ZRANB3: variants seen among roughly 807,000 people sequenced by gnomAD.
ZRANB3 encodes the protein zinc finger RANBP2-type containing 3, also known as DNA annealing helicase and endonuclease ZRANB3.
ZRANB3 carries 125 observed loss-of-function variants against 133.8 expected under a neutral mutation model. The observed-to-expected ratio is 0.93, with a 90% CI of 0.81 to 1.08. ZRANB3 has a LOEUF of 1.08. Among genes scored for constraint, ZRANB3 ranks in the 50% least tolerant of loss-of-function variants. ZRANB3 has a pLI of 0.00. For missense variants in ZRANB3, 1,229 were observed against 1,275.5 expected (o/e 0.96, Z 0.56); for synonymous variants, 387 against 432.7 (o/e 0.89, Z 1.31).
At chr2:135,415,858 A>G (rs970113369) in intron 2 of ZRANB3, among the ~76,000 whole-genome samples, 1 of 152,194 alleles carries the variant, frequency 6.6e-6, no homozygotes, top group Non-Finnish European at 1.5e-5. Flanking sequence ...GACAAAAACC[A>G]CATGATTATC....
intron 2 of ZRANB3, among the ~76,000 whole-genome samples, chr2:135,456,164 C>T (rs1269249969): frequency 6.6e-6 from 1 of 152,142 alleles, no homozygotes; most frequent in Non-Finnish European, 1.5e-5. Flanking sequence ...GACTCCAAAA[C>T]ATGTAAGAAT....
At chr2:135,252,611 A>G (rs1381616337) in intron 12 of ZRANB3, among the ~76,000 whole-genome samples, 1 of 152,212 alleles carries the variant, frequency 6.6e-6, no homozygotes, top group Non-Finnish European at 1.5e-5. Context: ...ACTCTTGGAC[A>G]ACAGCTGAGG....
At chr2:135,324,970 T>C (rs966605726) in intron 6 of ZRANB3, among the ~76,000 whole-genome samples, 1 of 152,178 alleles carries the variant, frequency 6.6e-6, no homozygotes, top group Admixed American at 6.5e-5. Flanking sequence ...ACTTATACCC[T>C]GAAAGCTACA....
intron 20 of ZRANB3, 81 bp downstream of exon 20, chr2:135,202,751 C>T (rs1302848993): frequency 2.0e-6 from 3 of 1,468,192 alleles, no homozygotes; most frequent in Non-Finnish European, 2.7e-6. Context: ...AATTCATCCA[C>T]ATAATCTTCC....
At chr2:135,259,962 A>G (rs1482964884) in intron 12 of ZRANB3, among the ~76,000 whole-genome samples, 1 of 152,164 alleles carries the variant, frequency 6.6e-6, no homozygotes, top group East Asian at 1.9e-4. Flanking sequence ...AAAAGGCCCT[A>G]AAGAGGTTAA....
rs935615 is a variant in ZRANB3, at chr2:135,230,846, C to A, written c.1621G>T (p.Glu541Ter). 2 of 1,611,794 alleles carry A rather than the reference C, an allele frequency of 1.2e-6. No homozygotes were observed. Among genetic ancestry groups the A allele is most frequent in the Non-Finnish European group, 1.7e-6 (2 of 1,179,216 alleles). Residue 541 changes from glutamate (E) to a stop codon, truncating the protein, a stop_gained, in exon 13 of 21, where the codon GAA (glutamate) becomes TAA (stop). Coordinates refer to ENST00000264159, the MANE Select transcript of ZRANB3 (RefSeq NM_032143.4). LOFTEE classifies it high-confidence loss of function. ...KKRQLMTSCD[E>*]SKRFREENTV... is the part of the protein sequence containing the mutation. ...TTTTCCTCCCGGAATCTCTTTGATT[C>A]GTCACAGGAGGTCATCAACTGTCTT...
intron 11 of ZRANB3, among the ~76,000 whole-genome samples, 174 bp downstream of exon 11, chr2:135,268,788 A>G (rs1413704862): frequency 2.0e-5 from 3 of 152,118 alleles, no homozygotes; most frequent in East Asian, 3.9e-4. Context: ...TACAGAGGAG[A>G]GCAGACAAGG....
At chr2:135,438,593 A>G (rs1689648724) in intron 2 of ZRANB3, among the ~76,000 whole-genome samples, 1 of 152,128 alleles carries the variant, frequency 6.6e-6, no homozygotes, top group Non-Finnish European at 1.5e-5. Context: ...AGCTTATAGT[A>G]AAGGGCAACT....
chr2:135,274,465 G>A (rs1031872922), intron 9 of ZRANB3, among the ~76,000 whole-genome samples: 3 of 152,080 alleles, frequency 2.0e-5, no homozygotes, highest in Non-Finnish European at 4.4e-5. Context: ...CACATTCAAA[G>A]GCCACTGTGT....
intron 3 of ZRANB3, among the ~76,000 whole-genome samples, chr2:135,364,452 A>G (rs901872646): frequency 6.6e-6 from 1 of 152,188 alleles, no homozygotes; most frequent in African/African-American, 2.4e-5. Flanking sequence ...AAATTTATCT[A>G]AAACAGAATT....
At chr2:135,294,148 T>G (rs1295741637) in intron 8 of ZRANB3, among the ~76,000 whole-genome samples, 5 of 152,224 alleles carry the variant, frequency 3.3e-5, no homozygotes, top group Non-Finnish European at 7.3e-5. Context: ...TTCTATTGAT[T>G]GGAATAGTTT....
Position 135,442,730 on chromosome 2 carries a change from T to C in ZRANB3, c.162-51910A>G, listed in dbSNP as rs113465392. On this transcript the variant is annotated intron_variant, in intron 2 of 20. Coordinates refer to ENST00000264159, the MANE Select transcript of ZRANB3 (RefSeq NM_032143.4). ...CAAAGGATTATAAATACTACTACTA[T>C]AAAGACACACGCAAACGTATGTTTA... Among the ~76,000 whole-genome samples the C allele has an allele frequency of 1.3e-3, 203 of 152,268 alleles. 3 individuals are homozygous for C. The highest frequency in any genetic ancestry group is 4.8e-3 in the African/African-American group (198 of 41,540).
chr2:135,406,750 G>A (rs1169245758), intron 2 of ZRANB3, among the ~76,000 whole-genome samples: 2 of 152,068 alleles, frequency 1.3e-5, no homozygotes, highest in African/African-American at 4.8e-5. Context: ...ATGCAGAAAA[G>A]GCCTTTGACA....
chr2:135,429,474 C>A (rs1689228296), intron 2 of ZRANB3, among the ~76,000 whole-genome samples: 1 of 152,080 alleles, frequency 6.6e-6, no homozygotes, highest in African/African-American at 2.4e-5. Flanking sequence ...CCATGGCACA[C>A]AATTTACCAG....
In ZRANB3 at chr2:135,207,340, T is replaced by C. The variant is rs1000369247; in HGVS notation, c.3009+94A>G. On this transcript the variant is annotated intron_variant, in intron 19 of 20. Coordinates refer to ENST00000264159, the MANE Select transcript of ZRANB3 (RefSeq NM_032143.4). ...ATTATTTTCTTTCCTTTTATATATCTGAATATTCCCATGTTAAAATGTACA... is the reference window on the plus strand; with the variant it reads ...ATTATTTTCTTTCCTTTTATATATCCGAATATTCCCATGTTAAAATGTACA... The C allele has an allele frequency of 5.6e-6, 8 of 1,416,808 alleles. No individual in the cohort carries two copies. The South Asian group carries it at 1.3e-4, about 23-fold the overall frequency. 87.8% of individuals were successfully genotyped at this position (1,416,808 alleles called of 1,614,324 possible).
intron 2 of ZRANB3, among the ~76,000 whole-genome samples, chr2:135,451,533 G>C (rs146885167): frequency 0.01 from 1,566 of 151,878 alleles, 25 homozygotes; most frequent in African/African-American, 0.036. Flanking sequence ...CTGCACTCCA[G>C]CCTGGGCAAC....
intron 1 of ZRANB3, among the ~76,000 whole-genome samples, chr2:135,505,807 T>C (rs1693153477): frequency 6.6e-6 from 1 of 152,050 alleles, no homozygotes; most frequent in Non-Finnish European, 1.5e-5. Context: ...AATTAGCAAA[T>C]AAATAAATAT....
At chr2:135,295,232 A>T (rs1395038101) in intron 8 of ZRANB3, among the ~76,000 whole-genome samples, 1 of 152,104 alleles carries the variant, frequency 6.6e-6, no homozygotes, top group Non-Finnish European at 1.5e-5. Flanking sequence ...GTAGGTCACT[A>T]AGGACTTGCT....
intron 3 of ZRANB3, among the ~76,000 whole-genome samples, chr2:135,374,533 C>A (rs1573995482): frequency 6.8e-6 from 1 of 146,678 alleles, no homozygotes; most frequent in African/African-American, 2.5e-5. Flanking sequence ...TGGAGTTTCG[C>A]TCTTGTTGTC....
Sources: allele counts gnomAD v4.1 joint callset (sites outside exome capture counted in the v4.1 genomes callset), GRCh38; gene constraint gnomAD v4.1.1; transcripts MANE v1.5; gene names NCBI Gene and HGNC (gene_info 2026-07-23, HGNC 2026-07-21).